The following SLC36A1 variants were observed in gnomAD, a reference collection of about 807,000 sequenced individuals.
The protein encoded by SLC36A1 is solute carrier family 36 member 1.
A neutral mutation model predicts 47.5 loss-of-function variants in SLC36A1; 30 were observed. The observed-to-expected ratio is 0.63, with a 90% CI of 0.47 to 0.86. The LOEUF (loss-of-function observed/expected upper bound fraction) is 0.86, where lower values mean the gene tolerates loss of function less well. Among genes scored for constraint, SLC36A1 ranks in the 40% least tolerant of loss-of-function variants. The probability of loss-of-function intolerance (pLI) is 0.00; values close to 1 mark genes in which losing one functional copy is unlikely to be tolerated. For synonymous variants in SLC36A1, 255 were observed against 249.7 expected (o/e 1.02, Z -0.20); for missense variants, 517 against 606.0 (o/e 0.85, Z 1.54).
chr5:151,465,463 T>C (rs1359575254), intron 5 of SLC36A1, among the ~76,000 whole-genome samples: 1 of 152,238 alleles, frequency 6.6e-6, no homozygotes. Context: ...GATTCACTCA[T>C]TTGTTCAACA....
At chr5:151,496,184 T>C (rs1346034841), downstream of SLC36A1, among the ~76,000 whole-genome samples, 1 of 152,126 alleles carries the variant, frequency 6.6e-6, no homozygotes, top group Non-Finnish European at 1.5e-5. Flanking sequence ...TCTCACGAGA[T>C]CTGATGGTTT....
the SLC36A1 span, chr5:151,544,539 C>A: frequency 2.5e-6 from 4 of 1,613,960 alleles, no homozygotes; most frequent in South Asian, 2.2e-5. Context: ...CCTCTGGACT[C>A]CGGGCCTGGG....
At chr5:151,382,322 C>G in the SLC36A1 span, 1 of 970,048 alleles carries the variant, frequency 1.0e-6, no homozygotes, top group Non-Finnish European at 1.6e-6. Flanking sequence ...TCAGCAGCCT[C>G]AAGTTCAGCC....
chr5:151,532,475 T>C, the SLC36A1 span, among the ~76,000 whole-genome samples: 4 of 152,152 alleles, frequency 2.6e-5, no homozygotes, highest in Non-Finnish European at 4.4e-5. Flanking sequence ...GTAGTCTAGT[T>C]ACCAACAATG....
the SLC36A1 span, among the ~76,000 whole-genome samples, chr5:151,376,251 T>A: frequency 3.9e-5 from 6 of 152,346 alleles, no homozygotes; most frequent in South Asian, 1.0e-3. Context: ...ATTAAGATAA[T>A]CATATTGTTT....
the SLC36A1 span, among the ~76,000 whole-genome samples, chr5:151,355,256 C>T: frequency 2.0e-5 from 3 of 151,302 alleles, no homozygotes; most frequent in East Asian, 1.9e-4. Context: ...TGGCACAAGG[C>T]GCGGGAGCAT....
In SLC36A1 at chr5:151,463,630, A is replaced by C. The variant is rs1198811648; in HGVS notation, c.221A>C (p.Asn74Thr). The C allele has an allele frequency of 5.0e-6, 8 of 1,614,012 alleles. No individual in the cohort carries two copies. The highest frequency in any genetic ancestry group is 6.8e-6 in the Non-Finnish European group (8 of 1,179,968). The change falls in exon 3 of 11, where the codon AAT becomes ACT. Residue 74 changes from asparagine to threonine, a missense_variant. Physicochemically the swap from Asn to Thr is moderately conservative, Grantham distance 65. Transcript: ENST00000243389. Reference protein sequence around the residue: ...GLLGLPLAVKNAGIVMGPISL... With the variant: ...GLLGLPLAVKTAGIVMGPISL... ...CTGGGACTCCCTCTGGCGGTGAAAA[A>C]TGCAGGCATCGTGGTAAGGGTCTGC... is the stretch of plus-strand genomic sequence containing the variant.
downstream of SLC36A1, among the ~76,000 whole-genome samples, chr5:151,496,489 A>G: frequency 6.6e-6 from 1 of 152,224 alleles, no homozygotes; most frequent in Non-Finnish European, 1.5e-5. Context: ...TACTCCAGCA[A>G]CAATGTATGA....
At chr5:151,431,187 G>A in the SLC36A1 span, 1 of 152,178 alleles carries the variant, frequency 6.6e-6, no homozygotes, top group East Asian at 1.9e-4. Context: ...CACAGATTTA[G>A]CTCTTTGGAT....
At chr5:151,468,266 A>AAT (rs1554113501) in intron 7 of SLC36A1, among the ~76,000 whole-genome samples, 4,834 of 63,502 alleles carry the variant, frequency 0.076, 467 homozygotes, top group South Asian at 0.16. Context: ...AAAAAAAAAA[A>AAT]ATATATATAT....
chr5:151,506,521 T>C, the SLC36A1 span, among the ~76,000 whole-genome samples: 1 of 152,234 alleles, frequency 6.6e-6, no homozygotes, highest in Non-Finnish European at 1.5e-5. Flanking sequence ...AAATGAGATG[T>C]GGCTCGGAAA....
At chr5:151,497,348 G>A (rs1032349629), downstream of SLC36A1, among the ~76,000 whole-genome samples, 17 of 152,102 alleles carry the variant, frequency 1.1e-4, no homozygotes, top group Non-Finnish European at 1.9e-4. Context: ...TGATATGATC[G>A]TATAGTTTTT....
chr5:151,417,306 T>C, the SLC36A1 span, among the ~76,000 whole-genome samples: 1 of 152,208 alleles, frequency 6.6e-6, no homozygotes, highest in Non-Finnish European at 1.5e-5. Context: ...GTTGAATTGC[T>C]TTGACCAAAA....
the SLC36A1 span, chr5:151,528,222 T>TCACTGGGGCAGG: frequency 6.7e-7 from 1 of 1,491,890 alleles, no homozygotes; most frequent in Non-Finnish European, 9.1e-7. Flanking sequence ...CCTGCCCCAG[T>TCACTGGGGCAGG]GACTGCCTTT....
the SLC36A1 span, chr5:151,505,289 C>T: frequency 1.2e-5 from 6 of 510,320 alleles, no homozygotes; most frequent in Non-Finnish European, 2.1e-5. Flanking sequence ...TCGCCCACCC[C>T]GGGAGTCAAT....
At chr5:151,411,841 A>G in the SLC36A1 span, among the ~76,000 whole-genome samples, 6 of 144,754 alleles carry the variant, frequency 4.1e-5, 1 homozygote, top group African/African-American at 7.5e-5. Flanking sequence ...CCTTCATAGC[A>G]TTAATATGCT....
chr5:151,504,228 C>T, the SLC36A1 span: 2 of 152,798 alleles, frequency 1.3e-5, no homozygotes, highest in South Asian at 2.1e-4. Flanking sequence ...ATCTCCCTCT[C>T]GCATGAAGCA....
chr5:151,420,477 C>T, the SLC36A1 span, among the ~76,000 whole-genome samples: 2 of 152,178 alleles, frequency 1.3e-5, no homozygotes, highest in Non-Finnish European at 2.9e-5. Context: ...AGACCATGCA[C>T]ACTGCTGGTC....
chr5:151,538,322 G>A, the SLC36A1 span, among the ~76,000 whole-genome samples: 1 of 152,212 alleles, frequency 6.6e-6, no homozygotes, highest in African/African-American at 2.4e-5. Context: ...GGAGAAGGAA[G>A]GCAAGATGGG....
Sources: allele counts gnomAD v4.1 joint callset (sites outside exome capture counted in the v4.1 genomes callset), GRCh38; gene constraint gnomAD v4.1.1; transcripts MANE v1.5; gene names NCBI Gene and HGNC (gene_info 2026-07-23, HGNC 2026-07-21).